Variants in USP24 observed in about 807,000 individuals in gnomAD.
The protein encoded by USP24 is ubiquitin carboxyl-terminal hydrolase 24.
Under a neutral mutation model 361.6 loss-of-function variants are expected in USP24, and 97 were observed. The ratio of observed to expected loss-of-function variants is 0.27; its 90% CI spans 0.23 to 0.32. The LOEUF is 0.32. USP24 is among the 10% of genes least tolerant of loss of function. USP24 has a pLI of 1.00. For missense variants in USP24, 2,353 were observed against 3,165.6 expected, an observed-to-expected ratio of 0.74 and a Z score of 6.16; for synonymous variants, 1,098 against 1,124.6, an observed-to-expected ratio of 0.98 and a Z score of 0.47.
At chr1:55,073,717 G>T in intron 64 of USP24, 111 bp downstream of exon 64, 1 of 1,030,064 alleles carries the variant, frequency 9.7e-7, no homozygotes, top group Non-Finnish European at 1.5e-6. Flanking sequence ...AGCAGGCCCT[G>T]ACTGAGTCAG....
At chr1:55,089,213 A>G (rs537430210) in intron 55 of USP24, among the ~76,000 whole-genome samples, 1 of 152,288 alleles carries the variant, frequency 6.6e-6, no homozygotes. Context: ...GCCTACCGGT[A>G]GATTTTTGAA....
chr1:55,213,519 T>TTA lies in USP24; in HGVS notation c.324+1269_324+1270dup, dbSNP rs149315459. On this transcript the variant is annotated intron_variant, in intron 1 of 67. Coordinates refer to ENST00000294383, the MANE Select transcript of USP24 (RefSeq NM_015306.3). Reference sequence around the variant, plus strand: ...CTCAGGAAAAAGTGTTTCAAAAGGCTTAGCTTCACTAAGCTTAATTCTTCA... The same window carrying TTA: ...CTCAGGAAAAAGTGTTTCAAAAGGCTTATAGCTTCACTAAGCTTAATTCTTCA... 5.6e-4 allele frequency among the ~76,000 whole-genome samples: 86 copies of TTA among 152,312 alleles called. 1 individual carries two copies. The highest frequency in any genetic ancestry group is 1.8e-3 in the African/African-American group (74 of 41,558).
At chr1:55,167,475 G>A (rs1649003663) in intron 5 of USP24, among the ~76,000 whole-genome samples, 1 of 152,164 alleles carries the variant, frequency 6.6e-6, no homozygotes, top group Admixed American at 6.6e-5. Flanking sequence ...GTAGATCATG[G>A]AGACACTTAC....
At chr1:55,189,686 T>C (rs183090485) in intron 1 of USP24, among the ~76,000 whole-genome samples, 1 of 152,316 alleles carries the variant, frequency 6.6e-6, no homozygotes, top group African/African-American at 2.4e-5. Context: ...GTGAACTTTA[T>C]AGTATAAGAA....
In USP24 at chr1:55,215,107, A is replaced by C; in HGVS notation, c.7T>G (p.Ser3Ala). The C allele has an allele frequency of 1.5e-6, 2 of 1,294,856 alleles. No homozygotes were observed. The highest frequency in any genetic ancestry group is 2.0e-6 in the Non-Finnish European group (2 of 1,011,920). The allele number at this position is 1,294,856 out of a possible 1,614,324, so 80.2% of individuals were successfully genotyped here. ME[S>A]EEEQHMTTLL... ...GTGGTCATGTGCTGCTCCTCCTCCGATTCCATGGCTTGGGCCTCCTGGCCG... is the reference window on the plus strand; with the variant it reads ...GTGGTCATGTGCTGCTCCTCCTCCGCTTCCATGGCTTGGGCCTCCTGGCCG... Residue 3 changes from serine to alanine, a missense_variant, in exon 1 of 68, where the codon TCG becomes GCG. Ser to Ala is a moderately conservative substitution (Grantham distance 99). This residue lies in a region of USP24 where 253 missense variants were observed against 255.3 expected (regional missense o/e 0.99). Coordinates refer to ENST00000294383, the MANE Select transcript of USP24 (RefSeq NM_015306.3).
chr1:55,101,034 C>G (rs1464094367), intron 43 of USP24, 70 bp from the exon 44 acceptor site: 2 of 1,514,098 alleles, frequency 1.3e-6, no homozygotes, highest in African/African-American at 2.8e-5. Flanking sequence ...GACATATGTA[C>G]ATGTTAGTAC....
intron 42 of USP24, among the ~76,000 whole-genome samples, chr1:55,102,465 G>A (rs1645659298): frequency 6.6e-6 from 1 of 152,146 alleles, no homozygotes; most frequent in African/African-American, 2.4e-5. Context: ...GCTATTCAAA[G>A]ATCTTGGTTC....
chr1:55,107,686 A>G (rs1570420339), intron 39 of USP24, among the ~76,000 whole-genome samples: 1 of 151,700 alleles, frequency 6.6e-6, no homozygotes, highest in Admixed American at 6.6e-5. Flanking sequence ...TACTAAAAAT[A>G]CAAAAATTAC....
At chr1:55,149,308 G>T (rs1378450339) in intron 16 of USP24, among the ~76,000 whole-genome samples, 3 of 152,040 alleles carry the variant, frequency 2.0e-5, no homozygotes, top group Non-Finnish European at 4.4e-5. Context: ...TCAAAATTTG[G>T]TAAGAATTTC....
At chr1:55,130,399 C>T (rs998360365) in intron 31 of USP24, among the ~76,000 whole-genome samples, 1 of 152,106 alleles carries the variant, frequency 6.6e-6, no homozygotes, top group African/African-American at 2.4e-5. Flanking sequence ...GTATAAGCAT[C>T]AGCACAAAAC....
chr1:55,212,858 A>G (rs1490550907), intron 1 of USP24, among the ~76,000 whole-genome samples: 1 of 152,190 alleles, frequency 6.6e-6, no homozygotes, highest in African/African-American at 2.4e-5. Context: ...TGCTTCGAAA[A>G]GATGGAGATT....
chr1:55,205,792 G>GA (rs942713444), intron 1 of USP24, among the ~76,000 whole-genome samples: 12 of 152,066 alleles, frequency 7.9e-5, no homozygotes, highest in African/African-American at 2.7e-4. Flanking sequence ...CTAAAACACG[G>GA]AAAAATAGGG....
intron 28 of USP24, among the ~76,000 whole-genome samples, chr1:55,134,744 C>G (rs527538550): frequency 2.0e-5 from 3 of 152,304 alleles, no homozygotes; most frequent in Middle Eastern, 3.4e-3. Context: ...CACCACTGAG[C>G]TAATGACTGC....
intron 1 of USP24, among the ~76,000 whole-genome samples, chr1:55,187,067 G>A (rs1481097825): frequency 1.3e-5 from 2 of 151,898 alleles, no homozygotes. Context: ...CCTAAACCAT[G>A]ACCAAGTGGC....
intron 12 of USP24, 99 bp from the exon 13 acceptor site, chr1:55,154,877 A>G: frequency 2.4e-6 from 2 of 817,638 alleles, no homozygotes; most frequent in Non-Finnish European, 3.9e-6. Context: ...AAAATATAAC[A>G]AAGACAAATT....
intron 54 of USP24, among the ~76,000 whole-genome samples, chr1:55,091,133 G>A (rs1466919607): frequency 6.6e-6 from 1 of 152,142 alleles, no homozygotes; most frequent in Non-Finnish European, 1.5e-5. Flanking sequence ...TACAGTCAAT[G>A]TCTGTAAAGT....
chr1:55,077,569 T>C (rs1349723776), intron 61 of USP24, among the ~76,000 whole-genome samples: 2 of 152,198 alleles, frequency 1.3e-5, no homozygotes, highest in East Asian at 3.8e-4. Context: ...TTCAAGTCAC[T>C]AAACAGATCC....
chr1:55,165,988 CTTTAA>C (rs1211407734), intron 6 of USP24, 38 bp from the exon 7 acceptor site: 6 of 1,569,672 alleles, frequency 3.8e-6, no homozygotes, highest in Non-Finnish European at 4.3e-6. Flanking sequence ...TTATTTTTCT[CTTTAA>C]TTTTTTTATT....
chr1:55,137,733 A>T, intron 27 of USP24, 45 bp from the exon 28 acceptor site: 1 of 1,582,042 alleles, frequency 6.3e-7, no homozygotes, highest in Non-Finnish European at 8.6e-7. Context: ...AAGGAAGAGG[A>T]AATTATTCAT....
Sources: gnomAD v4.1 joint callset for allele counts (sites outside exome capture counted in the v4.1 genomes callset) on GRCh38, gnomAD v4.1.1 for gene constraint, gnomAD v4.1.1 regional missense constraint, MANE v1.5 for transcripts, NCBI Gene and HGNC (gene_info 2026-07-23, HGNC 2026-07-21) for gene names.